Variants in OXR1 observed in about 807,000 individuals in gnomAD.
OXR1 encodes oxidation resistance protein 1.
In OXR1, 41 loss-of-function variants were observed where a neutral mutation model predicts 104.6. That is an observed-to-expected ratio of 0.39 (90% CI 0.31 to 0.51). The LOEUF (loss-of-function observed/expected upper bound fraction) is 0.51. OXR1 is among the 20% of genes least tolerant of loss of function. The pLI is 0.77. For missense variants in OXR1, 955 were observed against 1,031.9 expected (o/e 0.93, Z 1.02); for synonymous variants, 348 against 348.4 (o/e 1.00, Z 0.01).
At chr8:106,579,376 T>G (rs1586840800) in intron 3 of OXR1, among the ~76,000 whole-genome samples, 1 of 152,304 alleles carries the variant, frequency 6.6e-6, no homozygotes, top group East Asian at 1.9e-4. Context: ...CTGGATTAGC[T>G]CTGGCCTTGC....
intron 3 of OXR1, among the ~76,000 whole-genome samples, chr8:106,612,121 T>C (rs1331973463): frequency 6.6e-6 from 1 of 152,186 alleles, no homozygotes; most frequent in African/African-American, 2.4e-5. Flanking sequence ...ATTTGAGCTT[T>C]GCTTTTTCCC....
chr8:106,498,661 G>A (rs952420088), intron 2 of OXR1, among the ~76,000 whole-genome samples: 1 of 152,110 alleles, frequency 6.6e-6, no homozygotes, highest in Admixed American at 6.6e-5. Context: ...GTGAGTGTGG[G>A]CGTGTGTGCT....
chr8:106,487,372 A>G (rs13248331), intron 2 of OXR1, among the ~76,000 whole-genome samples: 1 of 94,236 alleles, frequency 1.1e-5, no homozygotes, highest in Admixed American at 1.2e-4. Flanking sequence ...TTTATTTTTT[A>G]ATTTTTATGG....
At chr8:106,729,977 T>C (rs1833725246) in intron 11 of OXR1, 1 of 152,154 alleles carries the variant, frequency 6.6e-6, no homozygotes, top group Non-Finnish European at 1.5e-5. Flanking sequence ...TGTAGCTGCA[T>C]CTGTCTGTGT....
chr8:106,622,474 C>CAA (rs1821793869), intron 3 of OXR1, among the ~76,000 whole-genome samples: 1 of 150,670 alleles, frequency 6.6e-6, no homozygotes, highest in South Asian at 2.1e-4. Flanking sequence ...CACACACACA[C>CAA]ACACACACAC....
intron 3 of OXR1, among the ~76,000 whole-genome samples, chr8:106,566,048 C>A (rs1009948487): frequency 2.0e-5 from 3 of 152,184 alleles, no homozygotes; most frequent in Non-Finnish European, 4.4e-5. Flanking sequence ...CAATATCATT[C>A]AGGACATAGG....
intron 3 of OXR1, among the ~76,000 whole-genome samples, chr8:106,624,179 T>C (rs1409562073): frequency 6.6e-6 from 1 of 152,224 alleles, no homozygotes; most frequent in African/African-American, 2.4e-5. Context: ...ATTGGCAGTA[T>C]GGTCTAGCTT....
At chr8:106,650,436 A>G (rs1489201031) in intron 3 of OXR1, among the ~76,000 whole-genome samples, 2 of 152,220 alleles carry the variant, frequency 1.3e-5, no homozygotes, top group Non-Finnish European at 2.9e-5. Context: ...ACTCTTAGAC[A>G]ACTTAAGAAA....
At chr8:106,386,462 C>A (rs935425632) in intron 2 of OXR1, among the ~76,000 whole-genome samples, 1 of 152,168 alleles carries the variant, frequency 6.6e-6, no homozygotes, top group Non-Finnish European at 1.5e-5. Flanking sequence ...CATTGCATTT[C>A]TGGGAGAAAA....
At chr8:106,311,268 G>A (rs1277159756) in intron 1 of OXR1, among the ~76,000 whole-genome samples, 1 of 151,766 alleles carries the variant, frequency 6.6e-6, no homozygotes, top group Non-Finnish European at 1.5e-5. Flanking sequence ...TCTTATATCG[G>A]TTATAGTGTT....
At chr8:106,482,132 G>A (rs1017487915) in intron 2 of OXR1, among the ~76,000 whole-genome samples, 1 of 151,928 alleles carries the variant, frequency 6.6e-6, no homozygotes, top group African/African-American at 2.4e-5. Context: ...GAGGAAAAAG[G>A]TATGAAATTG....
intron 2 of OXR1, among the ~76,000 whole-genome samples, chr8:106,407,863 T>A (rs1016133731): frequency 2.6e-5 from 4 of 152,170 alleles, no homozygotes; most frequent in Non-Finnish European, 4.4e-5. Flanking sequence ...CCCTTCAAAA[T>A]TCAGTTTAAG....
intron 14 of OXR1, 93 bp from the exon 15 acceptor site, chr8:106,742,129 T>G: frequency 1.3e-6 from 1 of 751,390 alleles, no homozygotes; most frequent in Non-Finnish European, 2.3e-6. Flanking sequence ...AGATTTCTAT[T>G]TTTTGCATTT....
At chr8:106,537,788 G>A (rs1275703333) in intron 3 of OXR1, among the ~76,000 whole-genome samples, 1 of 152,140 alleles carries the variant, frequency 6.6e-6, no homozygotes, top group African/African-American at 2.4e-5. Flanking sequence ...ACGTAGATAG[G>A]TTCAGGGTTC....
At chr8:106,443,100 G>A (rs182443947) in intron 2 of OXR1, among the ~76,000 whole-genome samples, 1 of 152,064 alleles carries the variant, frequency 6.6e-6, no homozygotes, top group East Asian at 1.9e-4. Context: ...ATTCTGGTAC[G>A]TTGTATCTTT....
At chr8:106,574,537 C>T (rs1433827901) in intron 3 of OXR1, among the ~76,000 whole-genome samples, 1 of 152,220 alleles carries the variant, frequency 6.6e-6, no homozygotes, top group Non-Finnish European at 1.5e-5. Flanking sequence ...AGATCCTTTA[C>T]TGGACAGCAT....
intron 2 of OXR1, among the ~76,000 whole-genome samples, chr8:106,511,562 C>T (rs977883312): frequency 2.0e-5 from 3 of 152,080 alleles, no homozygotes; most frequent in African/African-American, 7.2e-5. Context: ...CTCATACACA[C>T]ACACACACAC....
At chr8:106,555,934 A>ATAT (rs1816242607) in intron 3 of OXR1, among the ~76,000 whole-genome samples, 1 of 106,990 alleles carries the variant, frequency 9.3e-6, no homozygotes, top group African/African-American at 3.5e-5. Context: ...ATATGTACAT[A>ATAT]TATATATATA....
chr8:106,373,264 A>G (rs1466921139), intron 2 of OXR1, among the ~76,000 whole-genome samples: 1 of 152,188 alleles, frequency 6.6e-6, no homozygotes, highest in Non-Finnish European at 1.5e-5. Context: ...GCTGTATTAC[A>G]GTTGCCCAAC....
Sources: gnomAD v4.1 joint callset for allele counts (sites outside exome capture counted in the v4.1 genomes callset) on GRCh38, gnomAD v4.1.1 for gene constraint, MANE v1.5 for transcripts, NCBI Gene and HGNC (gene_info 2026-07-23, HGNC 2026-07-21) for gene names.